GRID2: variants seen among roughly 807,000 people sequenced by gnomAD.
The protein encoded by GRID2 is glutamate ionotropic receptor delta type subunit 2.
Under a neutral mutation model 114.8 loss-of-function variants are expected in GRID2, and 33 were observed. The observed-to-expected ratio is 0.29, with a 90% confidence interval of 0.22 to 0.38. The LOEUF (loss-of-function observed/expected upper bound fraction) is 0.38, where lower values mean the gene tolerates loss of function less well. Ranked by LOEUF, GRID2 falls within the 10% of genes least tolerant of loss-of-function variation. The pLI is 1.00. For missense variants in GRID2, 1,184 were observed against 1,257.7 expected, an observed-to-expected ratio of 0.94 and a Z score of 0.89; for synonymous variants, 505 against 449.9, an observed-to-expected ratio of 1.12 and a Z score of -1.55.
intron 2 of GRID2, among the ~76,000 whole-genome samples, chr4:92,755,472 T>A (rs2196236): frequency 6.6e-6 from 1 of 151,788 alleles, no homozygotes; most frequent in South Asian, 2.1e-4. Context: ...CAGGATGGAG[T>A]GTCCTATTTT....
rs75601590 is a variant in GRID2, at chr4:93,219,158, G to A, written c.963+2247G>A. On this transcript the variant is annotated intron_variant, in intron 6 of 15. Coordinates refer to ENST00000282020, the MANE Select transcript of GRID2 (RefSeq NM_001510.4). ...TGATAGAATTCTAAATAGAAAAAAA[G>A]GAAAGAATTTTGATTTAGAAAATTA... Among the ~76,000 whole-genome samples the A allele has an allele frequency of 8.8e-3, 1,345 of 152,170 alleles. 20 individuals carry two copies. Among genetic ancestry groups the A allele is most frequent in the African/African-American group, 0.031 (1,279 of 41,538 alleles).
intron 2 of GRID2, among the ~76,000 whole-genome samples, chr4:92,875,153 T>G (rs1376915432): frequency 1.4e-5 from 2 of 141,136 alleles, no homozygotes; most frequent in African/African-American, 5.3e-5. Flanking sequence ...CAAAAGGTTT[T>G]TTTTTTTTTT....
At chr4:93,355,104 A>G (rs1394105250) in intron 8 of GRID2, among the ~76,000 whole-genome samples, 2 of 151,906 alleles carry the variant, frequency 1.3e-5, no homozygotes, top group South Asian at 2.1e-4. Context: ...TTATAAGGCT[A>G]CTCTGGGGAG....
chr4:93,702,147 AG>A (rs1291275736), intron 14 of GRID2, among the ~76,000 whole-genome samples: 1 of 152,180 alleles, frequency 6.6e-6, no homozygotes, highest in African/African-American at 2.4e-5. Flanking sequence ...CATTTCAAAA[AG>A]TTTTAACCCT....
chr4:93,738,827 T>C (rs911880969), intron 14 of GRID2, among the ~76,000 whole-genome samples: 7 of 151,996 alleles, frequency 4.6e-5, no homozygotes, highest in Non-Finnish European at 1.0e-4. Context: ...ATGGAATTAT[T>C]TAGAAAGAGA....
At chr4:93,037,835 C>T (rs1725067593) in intron 2 of GRID2, among the ~76,000 whole-genome samples, 1 of 152,158 alleles carries the variant, frequency 6.6e-6, no homozygotes, top group African/African-American at 2.4e-5. Context: ...GTTTTTGTTA[C>T]TGTAGCCTTG....
rs116372002 is a variant in GRID2, at chr4:92,851,968, C to A, written c.245-233027C>A. Among the ~76,000 whole-genome samples, 1,399 of 151,886 alleles carry A rather than the reference C, an allele frequency of 9.2e-3. 19 individuals are homozygous for A. Among genetic ancestry groups the A allele is most frequent in the African/African-American group, 0.032 (1,320 of 41,464 alleles). On this transcript the variant is annotated intron_variant, in intron 2 of 15. Transcript: ENST00000282020. ...AAATCAATTCGTAAATATTTAGAGT[C>A]CTTTTGTTAAGAAATTTGTAAAGAG...
At chr4:92,454,612 A>AGGTG (rs1267714155) in intron 1 of GRID2, among the ~76,000 whole-genome samples, 9 of 152,254 alleles carry the variant, frequency 5.9e-5, no homozygotes, top group Non-Finnish European at 1.3e-4. Context: ...CGAGATCGGC[A>AGGTG]GATCACGAGG....
rs989167201 is a variant in GRID2 at position 93,354,878 on chromosome 4, T to C, written c.1246-40729T>C. Among the ~76,000 whole-genome samples the C allele has an allele frequency of 8.8e-4, 130 of 148,430 alleles. 1 individual carries two copies. Among genetic ancestry groups the C allele is most frequent in the African/African-American group, 3.2e-3 (128 of 40,622 alleles). On this transcript the variant is annotated intron_variant, in intron 8 of 15. Coordinates refer to ENST00000282020, the MANE Select transcript of GRID2 (RefSeq NM_001510.4). ...AAGGCCTGTAAAGTGACCCTAGACA[T>C]ATTGTGTTGAAGACCTAAATGCCTA...
intron 4 of GRID2, among the ~76,000 whole-genome samples, chr4:93,160,183 G>A (rs1390560141): frequency 6.6e-6 from 1 of 151,742 alleles, no homozygotes; most frequent in Non-Finnish European, 1.5e-5. Flanking sequence ...CACAGGCCAT[G>A]AGCATTCCTT....
rs745950184 is a variant in GRID2, at chr4:93,320,800, C to T, written c.1246-74807C>T. 2.0e-5 allele frequency among the ~76,000 whole-genome samples: 3 copies of T among 151,822 alleles called. No individual in the cohort carries two copies. In the East Asian group the frequency reaches 5.8e-4, roughly 29 times the overall value. ...TTCCTATTGTAATGGAAATTTATGCCATATTATTTCATTAATATAGTTTTT... is the reference window on the plus strand; with the variant it reads ...TTCCTATTGTAATGGAAATTTATGCTATATTATTTCATTAATATAGTTTTT... On this transcript the variant is annotated intron_variant, in intron 8 of 15. Transcript: ENST00000282020.
chr4:92,508,248 A>G (rs1724072170), intron 1 of GRID2, among the ~76,000 whole-genome samples: 1 of 151,930 alleles, frequency 6.6e-6, no homozygotes, highest in African/African-American at 2.4e-5. Context: ...CCATTTATTG[A>G]TTCAATTAAC....
intron 1 of GRID2, among the ~76,000 whole-genome samples, chr4:92,456,251 A>C (rs1721210729): frequency 6.6e-6 from 1 of 152,094 alleles, no homozygotes; most frequent in Admixed American, 6.6e-5. Context: ...GCTTATATGA[A>C]CTATTATACA....
intron 8 of GRID2, among the ~76,000 whole-genome samples, chr4:93,295,777 A>C (rs998158966): frequency 6.6e-6 from 1 of 152,146 alleles, no homozygotes; most frequent in Non-Finnish European, 1.5e-5. Flanking sequence ...ATTTTCACAA[A>C]AACACTGAGA....
chr4:92,684,092 C>G (rs1176184185), intron 2 of GRID2, among the ~76,000 whole-genome samples: 1 of 151,638 alleles, frequency 6.6e-6, no homozygotes, highest in Non-Finnish European at 1.5e-5. Context: ...ATTTGATGTA[C>G]TAGCAAGTAA....
chr4:93,401,409 A>G (rs1285264859), intron 9 of GRID2, among the ~76,000 whole-genome samples: 1 of 152,094 alleles, frequency 6.6e-6, no homozygotes, highest in Non-Finnish European at 1.5e-5. Context: ...TGCAATTGTA[A>G]TTAGCACCAT....
intron 8 of GRID2, among the ~76,000 whole-genome samples, chr4:93,342,189 T>C (rs1759734113): frequency 6.6e-6 from 1 of 152,196 alleles, no homozygotes; most frequent in African/African-American, 2.4e-5. Flanking sequence ...TGTAAGTCCA[T>C]GTAAGTCCAA....
intron 13 of GRID2, among the ~76,000 whole-genome samples, chr4:93,515,947 A>G (rs1729679556): frequency 6.6e-6 from 1 of 152,154 alleles, no homozygotes; most frequent in Non-Finnish European, 1.5e-5. Context: ...TATCTATATT[A>G]AAAAGGCATA....
At chr4:92,391,374 C>T (rs1288145073) in intron 1 of GRID2, among the ~76,000 whole-genome samples, 1 of 152,022 alleles carries the variant, frequency 6.6e-6, no homozygotes, top group African/African-American at 2.4e-5. Context: ...GATTAAAAGT[C>T]ATAATATATG....
Sources: gnomAD v4.1 joint callset for allele counts (sites outside exome capture counted in the v4.1 genomes callset) on GRCh38, gnomAD v4.1.1 for gene constraint, MANE v1.5 for transcripts, NCBI Gene and HGNC (gene_info 2026-07-23, HGNC 2026-07-21) for gene names.